Variants in ADAMTS2 observed in about 807,000 individuals in gnomAD.
The protein encoded by ADAMTS2 is ADAM metallopeptidase with thrombospondin type 1 motif 2.
A neutral mutation model predicts 123.0 loss-of-function variants in ADAMTS2; 50 were observed. The ratio of observed to expected loss-of-function variants is 0.41; its 90% CI spans 0.32 to 0.51. The LOEUF (loss-of-function observed/expected upper bound fraction) is 0.51, where lower values mean the gene tolerates loss of function less well. ADAMTS2 is among the 20% of genes least tolerant of loss of function. The probability of loss-of-function intolerance (pLI) is 0.35; values close to 1 mark genes in which losing one functional copy is unlikely to be tolerated. For synonymous variants in ADAMTS2, 678 were observed against 695.4 expected (o/e 0.98, Z 0.39); for missense variants, 1,494 against 1,705.2 (o/e 0.88, Z 2.18).
At chr5:179,138,533 C>G (rs758286043) in intron 11 of ADAMTS2, among the ~76,000 whole-genome samples, 2 of 152,256 alleles carry the variant, frequency 1.3e-5, no homozygotes, top group Non-Finnish European at 2.9e-5. Context: ...TCACTGGGAA[C>G]AGCACCAACC....
intron 9 of ADAMTS2, among the ~76,000 whole-genome samples, chr5:179,152,649 T>G (rs779779339): frequency 6.6e-6 from 1 of 152,156 alleles, no homozygotes; most frequent in Non-Finnish European, 1.5e-5. Flanking sequence ...CGGCCTCCCC[T>G]GGACTTCACA....
Position 179,185,304 on chromosome 5 carries a change from G to A in ADAMTS2, c.892-4149C>T, listed in dbSNP as rs2113321973. ...GAATGTGGGGTTCAGCTTTGGGGAT[G>A]AGTGCAGAGAAGGGACGGATGTGAG... On this transcript the variant is annotated intron_variant, in intron 4 of 21. Transcript: ENST00000251582. This position sits in a 1 kb window ranked among gnomAD's most constrained non-coding sequence, Gnocchi z 5.9. 6.6e-6 allele frequency among the ~76,000 whole-genome samples: 1 copy of A among 152,332 alleles called. No homozygotes were observed. The highest frequency in any genetic ancestry group is 2.4e-5 in the African/African-American group (1 of 41,578).
At chr5:179,161,301 C>T (rs1312539514) in intron 5 of ADAMTS2, among the ~76,000 whole-genome samples, 4 of 152,084 alleles carry the variant, frequency 2.6e-5, no homozygotes, top group Non-Finnish European at 4.4e-5. Flanking sequence ...TGGGATGGCA[C>T]AAGAAGGAAG....
At chr5:179,126,964 G>A (rs918616583) in intron 17 of ADAMTS2, among the ~76,000 whole-genome samples, 2 of 152,244 alleles carry the variant, frequency 1.3e-5, no homozygotes, top group African/African-American at 4.8e-5. Flanking sequence ...GGCACAGGGT[G>A]GAGATATACT....
chr5:179,136,160 G>C (rs376890333), intron 12 of ADAMTS2, 118 bp from the exon 13 acceptor site: 3 of 1,467,118 alleles, frequency 2.0e-6, no homozygotes, highest in Non-Finnish European at 9.5e-7. Flanking sequence ...CCACCCTCCA[G>C]GGCAGACAGA....
In ADAMTS2 at chr5:179,345,108, G is replaced by A. The variant is rs1757902189; in HGVS notation, c.139+82C>T. The stretch of plus-strand genomic sequence containing the variant: ...GTTTGCCCAAGTCAGGCTGGACGAC[G>A]CCTGGGGAGGGGGCGGCGGGGCACG... On this transcript the variant is annotated intron_variant, in intron 1 of 21. Transcript: ENST00000251582. This position sits in a 1 kb window ranked among gnomAD's most constrained non-coding sequence, Gnocchi z 7.5. The A allele has an allele frequency of 1.0e-6, 1 of 998,600 alleles. No homozygotes were observed. Among genetic ancestry groups the A allele is most frequent in the Non-Finnish European group, 1.2e-6 (1 of 825,778 alleles). 61.9% of individuals were successfully genotyped at this position (998,600 alleles called of 1,614,324 possible). A position where few individuals can be genotyped will look rare whatever the true frequency, so the allele number is the denominator to read the frequency against.
rs1317283297 is a variant in ADAMTS2 at position 179,197,117 on chromosome 5, G to A, written c.891+10396C>T. Among the ~76,000 whole-genome samples the A allele has an allele frequency of 6.6e-6, 1 of 152,234 alleles. No individual in the cohort carries two copies. The highest frequency in any genetic ancestry group is 2.4e-5 in the African/African-American group (1 of 41,470). On this transcript the variant is annotated intron_variant, in intron 4 of 21. Coordinates refer to ENST00000251582, the MANE Select transcript of ADAMTS2 (RefSeq NM_014244.5). This position sits in a 1 kb window ranked among gnomAD's most constrained non-coding sequence, Gnocchi z 4.2. ...GGGAGATGCCTTACATCTGTCTGGT[G>A]GCCTCTGGCAGGCCTGAGAGTACGT...
chr5:179,265,949 C>G (rs1177508750), intron 3 of ADAMTS2, among the ~76,000 whole-genome samples: 1 of 152,206 alleles, frequency 6.6e-6, no homozygotes, highest in East Asian at 1.9e-4. Flanking sequence ...GATCCAGCGC[C>G]GAGGCGCTGA....
At chr5:179,291,797 C>T (rs1561695752) in intron 2 of ADAMTS2, among the ~76,000 whole-genome samples, 2 of 151,892 alleles carry the variant, frequency 1.3e-5, no homozygotes, top group Admixed American at 1.3e-4. Context: ...AGTACAGTGG[C>T]TCAAACACAG....
intron 5 of ADAMTS2, among the ~76,000 whole-genome samples, chr5:179,176,778 C>A (rs529658672): frequency 6.6e-6 from 1 of 152,212 alleles, no homozygotes; most frequent in South Asian, 2.1e-4. Flanking sequence ...AACCCCTTGG[C>A]GGGAGACGCA....
rs1012921431 is a variant in ADAMTS2 at position 179,262,192 on chromosome 5, C to A, written c.688+10719G>T. 5.3e-5 allele frequency among the ~76,000 whole-genome samples: 8 copies of A among 150,310 alleles called. No homozygotes were observed. The highest frequency in any genetic ancestry group is 2.0e-4 in the African/African-American group (8 of 40,040). On this transcript the variant is annotated intron_variant, in intron 3 of 21. Transcript: ENST00000251582. This position sits in a 1 kb window ranked among gnomAD's most constrained non-coding sequence, Gnocchi z 5.9. ...CCCAGACCACCTAACCTGCCACCCC[C>A]ACCAGCACACCTGCCCGGCCACCCC... is the stretch of plus-strand genomic sequence containing the variant.
At chr5:179,316,712 G>A (rs1757011015) in intron 2 of ADAMTS2, among the ~76,000 whole-genome samples, 1 of 152,210 alleles carries the variant, frequency 6.6e-6, no homozygotes, top group Non-Finnish European at 1.5e-5. Flanking sequence ...GGGAGGCCAA[G>A]AACCGCTTAA....
rs1055022503 is a variant in ADAMTS2 at position 179,240,104 on chromosome 5, T to C, written c.689-32389A>G. 4.6e-5 allele frequency among the ~76,000 whole-genome samples: 7 copies of C among 151,930 alleles called. No individual in the cohort carries two copies. In the South Asian group the frequency reaches 1.3e-3, roughly 27 times the overall value. On this transcript the variant is annotated intron_variant, in intron 3 of 21. Transcript: ENST00000251582. Reference sequence around the variant, plus strand: ...AGTAGGTGACAGACGAGGGAAGCCGTCAGGTGTGAATGCGGATAGGGAGCA... The same window carrying C: ...AGTAGGTGACAGACGAGGGAAGCCGCCAGGTGTGAATGCGGATAGGGAGCA...
chr5:179,128,099 G>T lies in ADAMTS2; in HGVS notation c.2477C>A (p.Thr826Asn). The T allele has an allele frequency of 6.2e-7, 1 of 1,613,678 alleles. No homozygotes were observed. Among genetic ancestry groups the T allele is most frequent in the Non-Finnish European group, 8.5e-7 (1 of 1,180,006 alleles). Residue 826 changes from threonine to asparagine, a missense_variant, in exon 17 of 22, where the codon ACC (threonine) becomes AAC (asparagine). Coordinates refer to ENST00000251582, the MANE Select transcript of ADAMTS2 (RefSeq NM_014244.5). This position sits in a 1 kb window ranked among gnomAD's most constrained non-coding sequence, Gnocchi z 4.9. ...GTATTTGTACGTCAGTGAGACCCGGGTGTCTCCCACCGGGATGACCTGTGC... is the reference window on the plus strand; with the variant it reads ...GTATTTGTACGTCAGTGAGACCCGGTTGTCTCCCACCGGGATGACCTGTGC... ...ITVLVIPVGDTRVSLTYKYMI... is the reference protein window; with the variant it reads ...ITVLVIPVGDNRVSLTYKYMI...
intron 2 of ADAMTS2, among the ~76,000 whole-genome samples, chr5:179,281,394 T>C (rs934996036): frequency 4.4e-4 from 67 of 152,360 alleles, no homozygotes; most frequent in African/African-American, 1.5e-3. Context: ...ACATTCTGTC[T>C]CTATGAATTG....
chr5:179,302,479 C>T (rs928202015), intron 2 of ADAMTS2, among the ~76,000 whole-genome samples: 15 of 151,520 alleles, frequency 9.9e-5, no homozygotes, highest in African/African-American at 3.6e-4. Flanking sequence ...GCTGCCTCCT[C>T]CTGGGGGTCC....
rs965868144 is a variant in ADAMTS2 at position 179,234,511 on chromosome 5, GC to G, written c.689-26797del. 5.4e-5 allele frequency among the ~76,000 whole-genome samples: 8 copies of G among 148,644 alleles called. No individual in the cohort carries two copies. The highest frequency in any genetic ancestry group is 1.9e-4 in the East Asian group (1 of 5,144). ...CATGACCATGGACCTGCTGACAGGTGCCCCCCGACCCACCTCCAGCCTGCAC... is the reference window on the plus strand; with the variant it reads ...CATGACCATGGACCTGCTGACAGGTGCCCCCGACCCACCTCCAGCCTGCAC... On this transcript the variant is annotated intron_variant, in intron 3 of 21. Coordinates refer to ENST00000251582, the MANE Select transcript of ADAMTS2 (RefSeq NM_014244.5). This position sits in a 1 kb window ranked among gnomAD's most constrained non-coding sequence, Gnocchi z 4.7.
intron 2 of ADAMTS2, among the ~76,000 whole-genome samples, chr5:179,339,119 A>G (rs1488949705): frequency 6.6e-6 from 1 of 152,202 alleles, no homozygotes; most frequent in Non-Finnish European, 1.5e-5. Flanking sequence ...CCCTTCTTGT[A>G]TGATAGGCCC....
chr5:179,272,834 A>G lies in ADAMTS2; in HGVS notation c.688+77T>C. 5.2e-6 allele frequency: 8 copies of G among 1,543,252 alleles called. No individual in the cohort carries two copies. The highest frequency in any genetic ancestry group is 7.0e-6 in the Non-Finnish European group (8 of 1,145,122). On this transcript the variant is annotated intron_variant, in intron 3 of 21. Transcript: ENST00000251582. The surrounding 1 kb of genome is among the most constrained non-coding windows in gnomAD (Gnocchi z 5.8). ...AAGCTGGTCTGTGGAGAGCTGCCTG[A>G]GTCTCTGGGATGCTCCCCTGGGGAC...
Sources: gnomAD v4.1 joint callset for allele counts (sites outside exome capture counted in the v4.1 genomes callset) on GRCh38, gnomAD v4.1.1 for gene constraint, Gnocchi (gnomAD v3.1) non-coding constraint, MANE v1.5 for transcripts, NCBI Gene and HGNC (gene_info 2026-07-23, HGNC 2026-07-21) for gene names.